Variants in OSBPL1A observed in about 807,000 individuals in gnomAD.
The protein encoded by OSBPL1A is oxysterol-binding protein-related protein 1.
In OSBPL1A, 80 loss-of-function variants were observed where a neutral mutation model predicts 137.1. The observed-to-expected ratio is 0.58, with a 90% CI of 0.49 to 0.70. The LOEUF is 0.70. Among genes scored for constraint, OSBPL1A ranks in the 30% least tolerant of loss-of-function variants. The pLI, the probability that OSBPL1A is intolerant of heterozygous loss-of-function variation, is 0.00. For missense variants in OSBPL1A, 970 were observed against 1,129.4 expected, an observed-to-expected ratio of 0.86 and a Z score of 2.02; for synonymous variants, 365 against 389.7, an observed-to-expected ratio of 0.94 and a Z score of 0.75.
At chr18:24,272,083 G>C in intron 15 of OSBPL1A, 1 of 982,536 alleles carries the variant, frequency 1.0e-6, no homozygotes, top group Non-Finnish European at 1.2e-6. Context: ...GGGCGGAGGC[G>C]CAGGTAGGGA....
intron 15 of OSBPL1A, among the ~76,000 whole-genome samples, chr18:24,250,053 C>T (rs1345297020): frequency 6.6e-6 from 1 of 152,144 alleles, no homozygotes; most frequent in Non-Finnish European, 1.5e-5. Flanking sequence ...CTTTGTCATG[C>T]ATCTAGGATA....
chr18:24,171,299 T>TG, intron 23 of OSBPL1A, 110 bp downstream of exon 23: 2 of 783,030 alleles, frequency 2.6e-6, no homozygotes, highest in Non-Finnish European at 2.1e-6. Flanking sequence ...CCCAAAGTGC[T>TG]GGGATTATAG....
intron 15 of OSBPL1A, among the ~76,000 whole-genome samples, chr18:24,254,012 C>T (rs1355413071): frequency 6.6e-6 from 1 of 152,188 alleles, no homozygotes; most frequent in African/African-American, 2.4e-5. Context: ...AAGCCATGAG[C>T]TGAATTCCTT....
intron 17 of OSBPL1A, among the ~76,000 whole-genome samples, chr18:24,198,011 C>T (rs1443980464): frequency 6.6e-6 from 1 of 152,066 alleles, no homozygotes; most frequent in African/African-American, 2.4e-5. Flanking sequence ...TGGTCTTGAA[C>T]TCCTGACCTC....
At chr18:24,329,094 G>C (rs2091031319) in intron 7 of OSBPL1A, among the ~76,000 whole-genome samples, 1 of 152,090 alleles carries the variant, frequency 6.6e-6, no homozygotes, top group African/African-American at 2.4e-5. Context: ...ATAAAGCTCA[G>C]GTCCTAGCCA....
At chr18:24,315,646 A>T (rs1371762784) in intron 11 of OSBPL1A, among the ~76,000 whole-genome samples, 1 of 130,750 alleles carries the variant, frequency 7.6e-6, no homozygotes, top group Non-Finnish European at 1.5e-5. Flanking sequence ...TTATATAGTA[A>T]AATATAAAAT....
intron 17 of OSBPL1A, among the ~76,000 whole-genome samples, chr18:24,217,383 G>A (rs552304648): frequency 8.6e-5 from 13 of 150,894 alleles, no homozygotes; most frequent in East Asian, 5.9e-4. Flanking sequence ...TCAGTCTCCC[G>A]TGTAGTTGAG....
intron 21 of OSBPL1A, among the ~76,000 whole-genome samples, chr18:24,174,820 A>T (rs1045956200): frequency 6.6e-6 from 1 of 151,734 alleles, no homozygotes; most frequent in African/African-American, 2.4e-5. Flanking sequence ...ACTACCTAGG[A>T]TGGAGTGCAG....
chr18:24,249,177 T>C (rs2088994220), intron 15 of OSBPL1A, among the ~76,000 whole-genome samples: 2 of 152,218 alleles, frequency 1.3e-5, no homozygotes, highest in South Asian at 4.1e-4. Flanking sequence ...AAATTTAAAA[T>C]TTCCATTACC....
At chr18:24,187,095 A>T (rs764867038) in intron 18 of OSBPL1A, among the ~76,000 whole-genome samples, 2 of 152,108 alleles carry the variant, frequency 1.3e-5, no homozygotes, top group Non-Finnish European at 2.9e-5. Context: ...AACAAAATAC[A>T]TTCAGATTAG....
intron 4 of OSBPL1A, among the ~76,000 whole-genome samples, chr18:24,359,569 G>A (rs771774579): frequency 6.6e-6 from 1 of 151,878 alleles, no homozygotes; most frequent in Non-Finnish European, 1.5e-5. Flanking sequence ...TGGCGCACGC[G>A]TATAGTTCTA....
intron 14 of OSBPL1A, among the ~76,000 whole-genome samples, chr18:24,281,639 C>T (rs1410585305): frequency 6.6e-6 from 1 of 152,140 alleles, no homozygotes; most frequent in African/African-American, 2.4e-5. Context: ...GATCCGCCCA[C>T]CTCGGCCTTG....
intron 17 of OSBPL1A, among the ~76,000 whole-genome samples, chr18:24,216,757 AT>A (rs553296835): frequency 5.8e-4 from 85 of 147,296 alleles, no homozygotes; most frequent in Middle Eastern, 3.4e-3. Flanking sequence ...TTCATCGGTT[AT>A]TTTTTTTTTT....
At chr18:24,368,086 G>T in intron 3 of OSBPL1A, 1 of 373,028 alleles carries the variant, frequency 2.7e-6, no homozygotes, top group Non-Finnish European at 4.8e-6. Context: ...AAAATCTAAT[G>T]ATTAAACATA....
chr18:24,260,196 G>C (rs1174864825), intron 15 of OSBPL1A, among the ~76,000 whole-genome samples: 1 of 152,144 alleles, frequency 6.6e-6, no homozygotes, highest in Non-Finnish European at 1.5e-5. Context: ...TGGGGAAAGT[G>C]GAACTTTGCA....
At chr18:24,230,880 G>A (rs1483014105) in intron 16 of OSBPL1A, among the ~76,000 whole-genome samples, 1 of 152,134 alleles carries the variant, frequency 6.6e-6, no homozygotes, top group Non-Finnish European at 1.5e-5. Context: ...CTCTTGATAA[G>A]CACTTATTTG....
chr18:24,205,385 A>G (rs552831432), intron 17 of OSBPL1A, among the ~76,000 whole-genome samples: 1 of 152,356 alleles, frequency 6.6e-6, no homozygotes, highest in South Asian at 2.1e-4. Flanking sequence ...ATTCTGATCT[A>G]TAGACTCAAT....
chr18:24,314,196 G>T, intron 12 of OSBPL1A, 53 bp downstream of exon 12: 2 of 1,211,636 alleles, frequency 1.7e-6, no homozygotes, highest in Non-Finnish European at 2.3e-6. Flanking sequence ...TATTCTCCGT[G>T]TCTTTAAATG....
chr18:24,247,641 A>AT (rs1450317175), intron 15 of OSBPL1A, among the ~76,000 whole-genome samples: 8 of 150,310 alleles, frequency 5.3e-5, no homozygotes, highest in Non-Finnish European at 1.2e-4. Flanking sequence ...TTTTTTTGTA[A>AT]TTTTTTTTAA....
Sources: allele counts gnomAD v4.1 joint callset (sites outside exome capture counted in the v4.1 genomes callset), GRCh38; gene constraint gnomAD v4.1.1; transcripts MANE v1.5; gene names NCBI Gene and HGNC (gene_info 2026-07-23, HGNC 2026-07-21).